ENTREP2: variants seen among roughly 807,000 people sequenced by gnomAD.
The protein encoded by ENTREP2 is endosomal transmembrane epsin interactor 2, also known as protein ENTREP2.
chr15:29,343,026 A>ATGGG, the ENTREP2 span, among the ~76,000 whole-genome samples: 7 of 37,398 alleles, frequency 1.9e-4, no homozygotes, highest in South Asian at 4.5e-3. Flanking sequence ...GTAAAAAGGA[A>ATGGG]TGGGGGGGGT....
the ENTREP2 span, among the ~76,000 whole-genome samples, chr15:29,444,642 T>G: frequency 2.0e-5 from 3 of 152,236 alleles, no homozygotes; most frequent in East Asian, 3.9e-4. Context: ...AATTTTTGTA[T>G]TTTTAGTAGA....
the ENTREP2 span, among the ~76,000 whole-genome samples, chr15:29,219,846 G>T: frequency 6.6e-6 from 1 of 151,348 alleles, no homozygotes; most frequent in East Asian, 1.9e-4. Context: ...TAATACAATG[G>T]ACTGTGGGTA....
chr15:29,222,143 C>T, the ENTREP2 span, among the ~76,000 whole-genome samples: 1 of 152,132 alleles, frequency 6.6e-6, no homozygotes, highest in African/African-American at 2.4e-5. Context: ...GTCATAAAGA[C>T]CTTGCTGATA....
chr15:29,468,467 C>T, the ENTREP2 span, among the ~76,000 whole-genome samples: 4 of 151,916 alleles, frequency 2.6e-5, no homozygotes, highest in Admixed American at 6.6e-5. Flanking sequence ...AAAAATTAGG[C>T]GGGGTGGTGG....
the ENTREP2 span, among the ~76,000 whole-genome samples, chr15:29,154,678 CGT>C: frequency 6.6e-6 from 1 of 152,196 alleles, no homozygotes; most frequent in South Asian, 2.1e-4. Context: ...ATGCTCTGTG[CGT>C]GTGCTAGGAT....
the ENTREP2 span, among the ~76,000 whole-genome samples, chr15:29,273,981 T>C: frequency 6.6e-6 from 1 of 152,234 alleles, no homozygotes. Context: ...CTTGTGATCA[T>C]GTGAGTCAAT....
the ENTREP2 span, among the ~76,000 whole-genome samples, chr15:29,621,748 C>G: frequency 6.6e-6 from 1 of 152,086 alleles, no homozygotes; most frequent in South Asian, 2.1e-4. Flanking sequence ...ACCATATGAT[C>G]CAAAAATTCC....
At chr15:29,317,682 A>C in the ENTREP2 span, among the ~76,000 whole-genome samples, 1 of 152,224 alleles carries the variant, frequency 6.6e-6, no homozygotes, top group Non-Finnish European at 1.5e-5. Flanking sequence ...AATCTAGAAA[A>C]CATGGGGAAT....
the ENTREP2 span, among the ~76,000 whole-genome samples, chr15:29,357,757 T>C: frequency 6.6e-6 from 1 of 151,430 alleles, no homozygotes; most frequent in Non-Finnish European, 1.5e-5. Context: ...GAGAATGGCA[T>C]GAACCCGGGA....
chr15:29,227,681 T>C, the ENTREP2 span, among the ~76,000 whole-genome samples: 1 of 152,028 alleles, frequency 6.6e-6, no homozygotes, highest in Non-Finnish European at 1.5e-5. Flanking sequence ...GGAAAGAGGA[T>C]AGGAGGGGCT....
the ENTREP2 span, among the ~76,000 whole-genome samples, chr15:29,593,117 G>A: frequency 6.6e-6 from 1 of 152,176 alleles, no homozygotes; most frequent in Non-Finnish European, 1.5e-5. Flanking sequence ...TCTCTCTGCA[G>A]TCCAGATCTG....
chr15:29,672,334 T>A, the ENTREP2 span, among the ~76,000 whole-genome samples: 4 of 152,208 alleles, frequency 2.6e-5, no homozygotes, highest in African/African-American at 9.6e-5. Context: ...CACAATGGCA[T>A]GTACAATTTT....
chr15:29,345,357 A>G, the ENTREP2 span, among the ~76,000 whole-genome samples: 1 of 152,204 alleles, frequency 6.6e-6, no homozygotes, highest in East Asian at 1.9e-4. Context: ...GAGTGGGGCT[A>G]GCGGGGAGCA....
the ENTREP2 span, chr15:29,269,752 G>A: frequency 5.6e-6 from 8 of 1,421,906 alleles, no homozygotes; most frequent in Non-Finnish European, 7.3e-6. Context: ...GCAAGCAGCC[G>A]CGGCGGGGAT....
the ENTREP2 span, among the ~76,000 whole-genome samples, chr15:29,666,630 C>T: frequency 6.6e-6 from 1 of 152,196 alleles, no homozygotes; most frequent in African/African-American, 2.4e-5. Context: ...TGCACCAGCC[C>T]TCCAGCATCC....
At chr15:29,339,333 T>C in the ENTREP2 span, among the ~76,000 whole-genome samples, 251 of 152,184 alleles carry the variant, frequency 1.6e-3, 2 homozygotes, top group East Asian at 0.022. Flanking sequence ...GCAGGGAAAA[T>C]TGAAAAGACA....
chr15:29,424,620 C>T, the ENTREP2 span, among the ~76,000 whole-genome samples: 1 of 152,168 alleles, frequency 6.6e-6, no homozygotes, highest in African/African-American at 2.4e-5. Context: ...TCATCCACAA[C>T]AGGGAGAAGA....
At chr15:29,402,808 T>C in the ENTREP2 span, among the ~76,000 whole-genome samples, 1 of 152,192 alleles carries the variant, frequency 6.6e-6, no homozygotes, top group East Asian at 1.9e-4. Context: ...CCTCTTTATT[T>C]TTCTGTTTCC....
chr15:29,483,299 A>C, the ENTREP2 span, among the ~76,000 whole-genome samples: 1 of 152,178 alleles, frequency 6.6e-6, no homozygotes, highest in Non-Finnish European at 1.5e-5. Context: ...CATTCTCTTG[A>C]CACTGTCTTT....
Sources: gnomAD v4.1 joint callset for allele counts (sites outside exome capture counted in the v4.1 genomes callset) on GRCh38, gnomAD v4.1.1 for gene constraint, MANE v1.5 for transcripts, NCBI Gene and HGNC (gene_info 2026-07-23, HGNC 2026-07-21) for gene names.